The following BOD1L1 variants were observed in gnomAD, a reference collection of about 807,000 sequenced individuals.
The protein encoded by BOD1L1 is biorientation of chromosomes in cell division 1 like 1, also known as biorientation of chromosomes in cell division protein 1-like 1.
Under a neutral mutation model 240.7 loss-of-function variants are expected in BOD1L1, and 86 were observed. The observed-to-expected ratio is 0.36, with a 90% CI of 0.30 to 0.43. The LOEUF (loss-of-function observed/expected upper bound fraction) is 0.43, where lower values mean the gene tolerates loss of function less well. BOD1L1 is among the 20% of genes least tolerant of loss of function. BOD1L1 has a pLI of 1.00. For missense variants in BOD1L1, 3,554 were observed against 3,643.5 expected, an observed-to-expected ratio of 0.98 and a Z score of 0.63; for synonymous variants, 1,268 against 1,272.3, an observed-to-expected ratio of 1.00 and a Z score of 0.07.
intron 12 of BOD1L1, chr4:13,592,967 A>C (rs1218883975): frequency 6.6e-6 from 1 of 152,212 alleles, no homozygotes; most frequent in Non-Finnish European, 1.5e-5. Context: ...AGTACTTATA[A>C]AAATTCAAAA....
At chr4:13,594,841 G>A (rs569546424) in intron 12 of BOD1L1, among the ~76,000 whole-genome samples, 1 of 152,294 alleles carries the variant, frequency 6.6e-6, no homozygotes, top group East Asian at 1.9e-4. Context: ...GTTGCAGTGA[G>A]CCGAGATCAC....
chr4:13,601,699 C>T lies in BOD1L1; in HGVS notation c.5201G>A (p.Gly1734Asp). The change falls in exon 10 of 26, where the codon GGC becomes GAC. Residue 1734 changes from glycine to aspartate, a missense_variant. By Grantham distance (94) the Gly-to-Asp change is moderately conservative. Transcript: ENST00000040738. ...EGTVTCTGAE[G>D]RSDNFVICSV... ...GCAGATCACAAAGTTATCACTTCTG[C>T]CTTCTGCTCCTGTACATGTCACAGT... The T allele has an allele frequency of 6.2e-7, 1 of 1,613,984 alleles. No homozygotes were observed. Among genetic ancestry groups the T allele is most frequent in the Non-Finnish European group, 8.5e-7 (1 of 1,179,886 alleles).
intron 22 of BOD1L1, among the ~76,000 whole-genome samples, chr4:13,579,362 A>T (rs1370749092): frequency 6.6e-6 from 1 of 152,264 alleles, no homozygotes; most frequent in Non-Finnish European, 1.5e-5. Context: ...CCAAGACACA[A>T]GAAAAAATGA....
chr4:13,611,218 T>A, intron 5 of BOD1L1, 118 bp from the exon 6 acceptor site: 1 of 638,988 alleles, frequency 1.6e-6, no homozygotes, highest in East Asian at 2.9e-5. Context: ...AATATCAGGA[T>A]GTGAAGATTT....
Position 13,569,280 on chromosome 4 carries a change from G to C in BOD1L1, c.*731C>G, listed in dbSNP as rs1212676342. On this transcript the variant is annotated 3_prime_UTR_variant, in exon 26 of 26. Coordinates refer to ENST00000040738, the MANE Select transcript of BOD1L1 (RefSeq NM_148894.3). Reference sequence around the variant, plus strand: ...CTTTACCTGAACCAGAACCTGTTTTGTGTCAACGTGGCTGGTAGTAAAGTC... The same window carrying C: ...CTTTACCTGAACCAGAACCTGTTTTCTGTCAACGTGGCTGGTAGTAAAGTC... 6.6e-6 allele frequency: 1 copy of C among 152,184 alleles called. No individual in the cohort carries two copies. The highest frequency in any genetic ancestry group is 1.9e-4 in the East Asian group (1 of 5,192). The allele number at this position is 152,184 out of a possible 1,614,324, so 9.4% of individuals were successfully genotyped here. A position where few individuals can be genotyped will look rare whatever the true frequency, so the allele number is the denominator to read the frequency against.
Position 13,613,702 on chromosome 4 carries a change from A to G in BOD1L1, c.1175-41T>C. 6.9e-7 allele frequency: 1 copy of G among 1,447,282 alleles called. No individual in the cohort carries two copies. Among genetic ancestry groups the G allele is most frequent in the Non-Finnish European group, 9.3e-7 (1 of 1,079,292 alleles). The allele number at this position is 1,447,282 out of a possible 1,614,324, so 89.7% of individuals were successfully genotyped here. ...AAAACACAGAAAAAAAAATCATCTT[A>G]TTATAAGAACATACTCAGAGCTCAA... On this transcript the variant is annotated intron_variant, in intron 4 of 25. Coordinates refer to ENST00000040738, the MANE Select transcript of BOD1L1 (RefSeq NM_148894.3). This position sits in a 1 kb window ranked among gnomAD's most constrained non-coding sequence, Gnocchi z 4.0.
In BOD1L1 at chr4:13,600,581, C is replaced by G. The variant is rs1383330917; in HGVS notation, c.6319G>C (p.Gly2107Arg). The G allele has an allele frequency of 2.5e-6, 4 of 1,613,726 alleles. No individual in the cohort carries two copies. ...AATTCTTCTGTGGTTACTCTGGTAC[C>G]TTCCATATTTTCTTCAGTTCTCAGA... The part of the protein sequence containing the change: ...DALRTEENME[G>R]TRVTTEEFEA... The change falls in exon 10 of 26, where the codon GGT becomes CGT. Residue 2107 changes from glycine (G) to arginine (R), a missense_variant. Coordinates refer to ENST00000040738, the MANE Select transcript of BOD1L1 (RefSeq NM_148894.3).
chr4:13,595,487 A>G (rs900499915), intron 12 of BOD1L1, among the ~76,000 whole-genome samples: 2 of 152,194 alleles, frequency 1.3e-5, no homozygotes, highest in African/African-American at 4.8e-5. Context: ...CAAATGGTGT[A>G]AAGTGGGCCC....
chr4:13,595,223 T>A (rs577117591), intron 12 of BOD1L1, among the ~76,000 whole-genome samples: 1 of 152,380 alleles, frequency 6.6e-6, no homozygotes, highest in Admixed American at 6.5e-5. Context: ...AATTTCTTAT[T>A]TGGCAAATGT....
Position 13,602,432 on chromosome 4 carries a change from A to G in BOD1L1, c.4468T>C (p.Ser1490Pro), listed in dbSNP as rs745539308. Residue 1490 changes from serine (S) to proline (P), a missense_variant, in exon 10 of 26, where the codon TCT becomes CCT. Ser to Pro is a moderately conservative substitution (Grantham distance 74). This residue lies in a region of BOD1L1 where 3,393 missense variants were observed against 3,427.1 expected (regional missense o/e 0.99). Coordinates refer to ENST00000040738, the MANE Select transcript of BOD1L1 (RefSeq NM_148894.3). Reference sequence around the variant, plus strand: ...CTTTGGTGTAAAACAGAGGGTGCAGAGCCACTTCCAGCACTGGTGTCTACC... The same window carrying G: ...CTTTGGTGTAAAACAGAGGGTGCAGGGCCACTTCCAGCACTGGTGTCTACC... ...SEVDTSAGSGSAPSVLHQRNG... is the reference protein window; with the variant it reads ...SEVDTSAGSGPAPSVLHQRNG... 2.2e-5 allele frequency: 35 copies of G among 1,613,886 alleles called. No individual in the cohort carries two copies. Among genetic ancestry groups the G allele is most frequent in the Non-Finnish European group, 2.5e-5 (30 of 1,179,908 alleles).
Position 13,610,995 on chromosome 4 carries a change from T to A in BOD1L1, c.1430A>T (p.Tyr477Phe), listed in dbSNP as rs1429248968. 1 of 1,612,770 alleles carries A rather than the reference T, an allele frequency of 6.2e-7. No individual in the cohort carries two copies. Among genetic ancestry groups the A allele is most frequent in the Admixed American group, 1.7e-5 (1 of 59,840 alleles). The change falls in exon 6 of 26, where the codon TAC becomes TTC. Residue 477 changes from tyrosine to phenylalanine, a missense_variant. Coordinates refer to ENST00000040738, the MANE Select transcript of BOD1L1 (RefSeq NM_148894.3). The stretch of plus-strand genomic sequence containing the variant: ...ATCAGAATCACTATAGTATTTTGAG[T>A]AAAGATATGGTTTGTGGACATACGC... ...RHAYVHKPYL[Y>F]SKYYSDSDDE... is the part of the protein sequence containing the mutation.
At position 13,602,816 on chromosome 4, in the gene BOD1L1, T is replaced by C. The variant is rs1190531823; in HGVS notation, c.4084A>G (p.Ser1362Gly). ...TGAGCTTCTGGAATGTGTCTTTTGC[T>C]AGTGATGCTTGCTTTTGCTGGTGTA... is the stretch of plus-strand genomic sequence containing the variant. ...VDTPAKASITSKRHIPEAHQA... is the reference protein window; with the variant it reads ...VDTPAKASITGKRHIPEAHQA... Residue 1362 changes from serine (S) to glycine (G), a missense_variant, in exon 10 of 26, where the codon AGC becomes GGC. Ser to Gly is a moderately conservative substitution (Grantham distance 56). This residue lies in a region of BOD1L1 where 3,393 missense variants were observed against 3,427.1 expected (regional missense o/e 0.99). Transcript: ENST00000040738. The C allele has an allele frequency of 2.5e-6, 4 of 1,614,036 alleles. No individual in the cohort carries two copies. The South Asian group carries it at 3.3e-5, about 13-fold the overall frequency.
At position 13,602,055 on chromosome 4, in the gene BOD1L1, A is replaced by C. The variant is rs752926192; in HGVS notation, c.4845T>G (p.Ser1615Arg). 1.2e-5 allele frequency: 20 copies of C among 1,613,718 alleles called. 1 individual carries two copies. In the South Asian group the frequency reaches 1.9e-4, roughly 15 times the overall value. The part of the protein sequence containing the change: ...TFLTSTKEGE[S>R]GECAVAESED... ...CAGATTCAGCCACAGCACACTCCCC[A>C]CTTTCCCCTTCCTTAGTGCTTGTGA... The change falls in exon 10 of 26, where the codon AGT becomes AGG. Residue 1615 changes from serine (S) to arginine (R), a missense_variant. Ser to Arg is a moderately radical substitution (Grantham distance 110). Around this residue, in one of 2 missense-constraint regions of BOD1L1, gnomAD observed 3,393 missense variants for 3,427.1 expected, o/e 0.99. Transcript: ENST00000040738.
chr4:13,599,481 ATCT>A lies in BOD1L1; in HGVS notation c.7416_7418del (p.Glu2472del). 2 of 1,613,946 alleles carry A rather than the reference ATCT, an allele frequency of 1.2e-6. No individual in the cohort carries two copies. The highest frequency in any genetic ancestry group is 1.1e-5 in the South Asian group (1 of 91,086). On this transcript the variant is annotated inframe_deletion, in exon 10 of 26. Transcript: ENST00000040738. Reference sequence around the variant, plus strand: ...CTGCTGTCCCTGTCTCTGGGCTCTTATCTTCTTTCTGAAGGGAGTTCAACAATA... The same window carrying A: ...CTGCTGTCCCTGTCTCTGGGCTCTTATCTTTCTGAAGGGAGTTCAACAATA...
intron 1 of BOD1L1, among the ~76,000 whole-genome samples, chr4:13,623,028 A>G (rs1008792862): frequency 1.3e-5 from 2 of 152,280 alleles, no homozygotes; most frequent in Admixed American, 1.3e-4. Context: ...CAAGCCCCAG[A>G]CAGCTGCATT....
At position 13,602,737 on chromosome 4, in the gene BOD1L1, C is replaced by G. The variant is rs1461205506; in HGVS notation, c.4163G>C (p.Ser1388Thr). ...TTCCACAATCACGCCCGTTAACTTA[C>G]TTCCAAGAGGCATGATTACCTTTCC... ...KQGKVIMPLG[S>T]KLTGVIVENE... is the part of the protein sequence containing the mutation. The change falls in exon 10 of 26, where the codon AGT becomes ACT. Residue 1388 changes from serine to threonine, a missense_variant. By Grantham distance (58) the Ser-to-Thr change is moderately conservative (BLOSUM62 1). Transcript: ENST00000040738. 2 of 1,613,912 alleles carry G rather than the reference C, an allele frequency of 1.2e-6. No individual in the cohort carries two copies. The highest frequency in any genetic ancestry group is 1.7e-5 in the Admixed American group (1 of 60,014).
At chr4:13,627,104 T>G (rs1315965421) in intron 1 of BOD1L1, among the ~76,000 whole-genome samples, 1 of 152,198 alleles carries the variant, frequency 6.6e-6, no homozygotes, top group African/African-American at 2.4e-5. Context: ...GTAAGAACAA[T>G]GCCTTAGTCT....
chr4:13,621,514 C>A (rs576440049), intron 1 of BOD1L1, among the ~76,000 whole-genome samples: 7 of 152,200 alleles, frequency 4.6e-5, no homozygotes, highest in African/African-American at 1.7e-4. Flanking sequence ...TCTTCATCCA[C>A]GCTCCTACTG....
At chr4:13,581,715 A>C (rs1397065477) in intron 19 of BOD1L1, among the ~76,000 whole-genome samples, 1 of 152,204 alleles carries the variant, frequency 6.6e-6, no homozygotes, top group Admixed American at 6.5e-5. Context: ...TCTCTGCTCC[A>C]CAGGCTCCCT....
Sources: allele counts gnomAD v4.1 joint callset (sites outside exome capture counted in the v4.1 genomes callset), GRCh38; gene constraint gnomAD v4.1.1; regional missense constraint gnomAD v4.1.1; non-coding constraint Gnocchi (gnomAD v3.1); transcripts MANE v1.5; gene names NCBI Gene and HGNC (gene_info 2026-07-23, HGNC 2026-07-21).